Variants in LIPH observed in about 807,000 individuals in gnomAD.
LIPH encodes lipase H.
In LIPH, 32 loss-of-function variants were observed where a neutral mutation model predicts 47.6. The ratio of observed to expected loss-of-function variants is 0.67; its 90% CI spans 0.51 to 0.90. LIPH has a LOEUF of 0.90. Among genes scored for constraint, LIPH ranks in the 40% least tolerant of loss-of-function variants. LIPH has a pLI of 0.00. For synonymous variants in LIPH, 190 were observed against 195.6 expected (o/e 0.97, Z 0.24); for missense variants, 497 against 541.4 (o/e 0.92, Z 0.81).
intron 1 of LIPH, among the ~76,000 whole-genome samples, chr3:185,545,322 C>T (rs1366807549): frequency 1.3e-5 from 2 of 152,172 alleles, no homozygotes; most frequent in Admixed American, 1.3e-4. Flanking sequence ...CCTTCTATCT[C>T]TTAAAAGAAA....
chr3:185,525,022 C>T (rs1026413485), intron 4 of LIPH, among the ~76,000 whole-genome samples: 1 of 151,930 alleles, frequency 6.6e-6, no homozygotes, highest in Non-Finnish European at 1.5e-5. Flanking sequence ...CGAGGCCAGC[C>T]TGGGCAAAAT....
At chr3:185,509,078 G>T (rs758934411) in intron 9 of LIPH, among the ~76,000 whole-genome samples, 1 of 151,620 alleles carries the variant, frequency 6.6e-6, no homozygotes, top group Non-Finnish European at 1.5e-5. Flanking sequence ...GATACTTGAG[G>T]CCAGGAGTTC....
rs773063960 is a variant in LIPH at position 185,534,969 on chromosome 3, G to A, written c.213C>T (p.Thr71=). ...AFGNLNVTKK[T]TFIVHGFRPT... ...GCCTGAATCCATGGACAATGAAGGT[G>A]GTTTTCTTGGTCACATTCAAGTTCC... Residue 71 remains threonine, a synonymous_variant, in exon 2 of 10, where the codon ACC becomes ACT. Transcript: ENST00000296252. The A allele has an allele frequency of 3.1e-6, 5 of 1,613,786 alleles. No individual in the cohort carries two copies. The highest frequency in any genetic ancestry group is 2.7e-5 in the African/African-American group (2 of 74,930).
chr3:185,511,525 T>C lies in LIPH; in HGVS notation c.1267A>G (p.Arg423Gly). The C allele has an allele frequency of 6.2e-7, 1 of 1,614,090 alleles. No homozygotes were observed. The highest frequency in any genetic ancestry group is 1.1e-5 in the South Asian group (1 of 91,082). ...TGTCAAACCGTACCCTCAGCTCACC[T>C]CTCCGGATGGGCAAGGGACCTTAAC... ...MKLRSLAHPERPQLCRYDLVL... is the reference protein window; with the variant it reads ...MKLRSLAHPEGPQLCRYDLVL... Residue 423 changes from arginine (R) to glycine (G), a missense_variant and splice_region_variant, in exon 9 of 10, where the codon AGG (arginine) becomes GGG (glycine). Physicochemically the swap from Arg to Gly is moderately radical, Grantham distance 125 (BLOSUM62 -2). Coordinates refer to ENST00000296252, the MANE Select transcript of LIPH (RefSeq NM_139248.3).
intron 3 of LIPH, 102 bp downstream of exon 3, chr3:185,533,469 G>T: frequency 1.3e-6 from 1 of 798,942 alleles, no homozygotes; most frequent in Non-Finnish European, 2.3e-6. Context: ...TTAGGTAATT[G>T]GAGCTGGCTT....
chr3:185,536,341 T>C (rs1720501915), intron 1 of LIPH, among the ~76,000 whole-genome samples: 1 of 152,162 alleles, frequency 6.6e-6, no homozygotes, highest in South Asian at 2.1e-4. Flanking sequence ...ATGGCCATTC[T>C]TGGTGGACAA....
intron 1 of LIPH, among the ~76,000 whole-genome samples, chr3:185,542,715 C>G (rs986377934): frequency 2.6e-5 from 4 of 152,144 alleles, no homozygotes; most frequent in Non-Finnish European, 5.9e-5. Context: ...ATGGAATCAA[C>G]CTAAGTGTCT....
At position 185,508,772 on chromosome 3, in the gene LIPH, C is replaced by T. The variant is rs912419167; in HGVS notation, c.*18G>A. ...TAGCTTTCTTTCTATTATTTATGGC[C>T]ATGTGTCCTGGCAACAGTTACAACT... On this transcript the variant is annotated 3_prime_UTR_variant, in exon 10 of 10. Coordinates refer to ENST00000296252, the MANE Select transcript of LIPH (RefSeq NM_139248.3). The T allele has an allele frequency of 6.4e-7, 1 of 1,550,968 alleles. No homozygotes were observed.
chr3:185,551,244 G>C (rs1461842396), intron 1 of LIPH, among the ~76,000 whole-genome samples: 1 of 151,992 alleles, frequency 6.6e-6, no homozygotes. Flanking sequence ...TATCATCATT[G>C]GTATGATTTT....
chr3:185,525,702 G>T (rs1720048367), intron 4 of LIPH, among the ~76,000 whole-genome samples: 1 of 152,168 alleles, frequency 6.6e-6, no homozygotes, highest in Admixed American at 6.6e-5. Context: ...AGCTACATCT[G>T]TCTGATGGCA....
rs1246151645 is a variant in LIPH at position 185,515,462 on chromosome 3, C to G, written c.983-941G>C. On this transcript the variant is annotated intron_variant, in intron 7 of 9. Coordinates refer to ENST00000296252, the MANE Select transcript of LIPH (RefSeq NM_139248.3). ...ATACAGACCAGGTAGGTGCCAAATC[C>G]TGGGCTGCCACACATGGCTCCAAAG... 2.0e-5 allele frequency among the ~76,000 whole-genome samples: 3 copies of G among 151,976 alleles called. No individual in the cohort carries two copies. In the East Asian group the frequency reaches 5.8e-4, roughly 29 times the overall value.
intron 8 of LIPH, among the ~76,000 whole-genome samples, chr3:185,512,531 C>T (rs918975584): frequency 8.7e-5 from 13 of 148,860 alleles, no homozygotes; most frequent in African/African-American, 3.0e-4. Context: ...CTCTGTTGCC[C>T]AGGCTGGAGT....
At chr3:185,544,311 C>T (rs964377212) in intron 1 of LIPH, among the ~76,000 whole-genome samples, 4 of 151,532 alleles carry the variant, frequency 2.6e-5, no homozygotes, top group South Asian at 2.1e-4. Context: ...TGAATTCTAC[C>T]CTGGAGAATG....
At chr3:185,533,204 G>A (rs1237139559) in intron 3 of LIPH, among the ~76,000 whole-genome samples, 2 of 152,074 alleles carry the variant, frequency 1.3e-5, no homozygotes, top group Admixed American at 6.6e-5. Flanking sequence ...CTGTGCCTGG[G>A]GACTGAAGCG....
chr3:185,531,112 T>C (rs774064325), intron 3 of LIPH, among the ~76,000 whole-genome samples: 11 of 152,280 alleles, frequency 7.2e-5, no homozygotes, highest in Middle Eastern at 3.4e-3. Flanking sequence ...TAGTAAAAGC[T>C]GCATACTACG....
chr3:185,519,001 G>C (rs1348041638), intron 6 of LIPH, 141 bp downstream of exon 6: 10 of 729,146 alleles, frequency 1.4e-5, no homozygotes, highest in Non-Finnish European at 2.5e-5. Context: ...TGGGATTACA[G>C]GCATGAGCCA....
chr3:185,532,438 G>A (rs929789259), intron 3 of LIPH, among the ~76,000 whole-genome samples: 24 of 152,094 alleles, frequency 1.6e-4, no homozygotes, highest in African/African-American at 3.9e-4. Context: ...TGTGCCTGGG[G>A]GGGCGTTGAG....
At chr3:185,537,001 C>T (rs545592613) in intron 1 of LIPH, among the ~76,000 whole-genome samples, 21 of 152,326 alleles carry the variant, frequency 1.4e-4, no homozygotes, top group African/African-American at 5.1e-4. Context: ...TCTCCTGCCT[C>T]AGCCTCCCAA....
At chr3:185,536,503 G>A (rs991781255) in intron 1 of LIPH, among the ~76,000 whole-genome samples, 7 of 152,106 alleles carry the variant, frequency 4.6e-5, no homozygotes, top group Non-Finnish European at 7.4e-5. Context: ...CATCCAGGAA[G>A]TATTCTTCAT....
Sources: allele counts gnomAD v4.1 joint callset (sites outside exome capture counted in the v4.1 genomes callset), GRCh38; gene constraint gnomAD v4.1.1; transcripts MANE v1.5; gene names NCBI Gene and HGNC (gene_info 2026-07-23, HGNC 2026-07-21).